The following CAMK1D variants were observed in gnomAD, a reference collection of about 807,000 sequenced individuals.
CAMK1D encodes the protein calcium/calmodulin-dependent protein kinase type 1D.
A neutral mutation model predicts 47.7 loss-of-function variants in CAMK1D; 9 were observed. The observed-to-expected ratio is 0.19, with a 90% CI of 0.11 to 0.33. The LOEUF (loss-of-function observed/expected upper bound fraction) is 0.33, where lower values mean the gene tolerates loss of function less well. CAMK1D is among the 10% of genes least tolerant of loss of function. CAMK1D has a pLI of 1.00. For synonymous variants in CAMK1D, 184 were observed against 184.9 expected, an observed-to-expected ratio of 0.99 and a Z score of 0.04; for missense variants, 291 against 488.7, an observed-to-expected ratio of 0.60 and a Z score of 3.81.
At chr10:12,740,830 A>G (rs1835394941) in intron 3 of CAMK1D, among the ~76,000 whole-genome samples, 1 of 152,200 alleles carries the variant, frequency 6.6e-6, no homozygotes, top group Non-Finnish European at 1.5e-5. Context: ...CTAGCATAAC[A>G]AAAGCGGTCA....
intron 2 of CAMK1D, among the ~76,000 whole-genome samples, chr10:12,623,071 CCCTT>C (rs1236617001): frequency 9.5e-6 from 1 of 105,070 alleles, no homozygotes; most frequent in African/African-American, 3.9e-5. Context: ...CTCCCTTCCT[CCCTT>C]CCTTCCTTCC....
intron 1 of CAMK1D, among the ~76,000 whole-genome samples, chr10:12,396,458 T>A (rs550750110): frequency 6.6e-6 from 1 of 152,170 alleles, no homozygotes; most frequent in African/African-American, 2.4e-5. Flanking sequence ...CCAACCAGAG[T>A]CTTCATGAGT....
chr10:12,438,389 A>C (rs942312432), intron 1 of CAMK1D, among the ~76,000 whole-genome samples: 1 of 152,162 alleles, frequency 6.6e-6, no homozygotes. Flanking sequence ...ACATGTGGCT[A>C]TTGTCCCTGC....
intron 2 of CAMK1D, among the ~76,000 whole-genome samples, chr10:12,590,034 A>G (rs978392172): frequency 9.9e-5 from 15 of 152,078 alleles, no homozygotes; most frequent in Admixed American, 3.9e-4. Context: ...TAAAAACACA[A>G]CCGCAAGCTG....
intron 2 of CAMK1D, among the ~76,000 whole-genome samples, chr10:12,584,221 A>G (rs11592556): frequency 0.015 from 2,229 of 152,318 alleles, 16 homozygotes; most frequent in Non-Finnish European, 0.022. Flanking sequence ...TATTTGGAAA[A>G]GTAGCAATAC....
chr10:12,421,370 C>T (rs982130095), intron 1 of CAMK1D, among the ~76,000 whole-genome samples: 3 of 152,082 alleles, frequency 2.0e-5, no homozygotes, highest in Non-Finnish European at 2.9e-5. Context: ...GATGATGTCC[C>T]GGAGCTTCAA....
chr10:12,647,263 C>T (rs1164475379), intron 2 of CAMK1D, among the ~76,000 whole-genome samples: 1 of 148,716 alleles, frequency 6.7e-6, no homozygotes. Context: ...ATCCTCCTGA[C>T]TCAGCCTCCC....
At chr10:12,740,521 C>T (rs1835381450) in intron 3 of CAMK1D, among the ~76,000 whole-genome samples, 1 of 152,138 alleles carries the variant, frequency 6.6e-6, no homozygotes, top group South Asian at 2.1e-4. Context: ...CTGTTTGAAC[C>T]TGGGAGGTGG....
intron 6 of CAMK1D, among the ~76,000 whole-genome samples, chr10:12,803,251 A>G (rs1005662654): frequency 1.3e-5 from 2 of 152,208 alleles, no homozygotes; most frequent in South Asian, 4.1e-4. Flanking sequence ...TGGTTTCTCT[A>G]TTGTAGAAAA....
At chr10:12,564,440 G>T (rs6602597) in intron 2 of CAMK1D, among the ~76,000 whole-genome samples, 304 of 152,338 alleles carry the variant, frequency 2.0e-3, no homozygotes, top group South Asian at 4.3e-3. Context: ...ATTTTAAGTT[G>T]TATGTAATTG....
At chr10:12,521,825 A>G (rs75298118) in intron 1 of CAMK1D, among the ~76,000 whole-genome samples, 33,849 of 152,018 alleles carry the variant, frequency 0.22, 4,042 homozygotes, top group South Asian at 0.27. Context: ...TTCTTTTATC[A>G]TTATATGACA....
At chr10:12,505,658 T>G (rs560477284) in intron 1 of CAMK1D, among the ~76,000 whole-genome samples, 1 of 152,200 alleles carries the variant, frequency 6.6e-6, no homozygotes, top group Admixed American at 6.5e-5. Context: ...TACATAATAT[T>G]GAAAGCAAAT....
chr10:12,531,184 T>A (rs1282363633), intron 1 of CAMK1D, among the ~76,000 whole-genome samples: 2 of 152,240 alleles, frequency 1.3e-5, no homozygotes, highest in East Asian at 3.8e-4. Context: ...TCACAGAGTT[T>A]TTATTCACAT....
intron 1 of CAMK1D, among the ~76,000 whole-genome samples, chr10:12,461,470 C>T (rs1227187608): frequency 2.0e-5 from 3 of 152,080 alleles, no homozygotes; most frequent in Admixed American, 6.6e-5. Context: ...GTGGGCGGGT[C>T]GCGAGGTTAA....
At chr10:12,445,428 G>C (rs1348279046) in intron 1 of CAMK1D, among the ~76,000 whole-genome samples, 1 of 152,228 alleles carries the variant, frequency 6.6e-6, no homozygotes, top group East Asian at 1.9e-4. Flanking sequence ...CTGCCATTTT[G>C]TTTTGGCTTC....
At chr10:12,529,378 G>A (rs755524922) in intron 1 of CAMK1D, among the ~76,000 whole-genome samples, 4 of 152,184 alleles carry the variant, frequency 2.6e-5, no homozygotes, top group Non-Finnish European at 5.9e-5. Context: ...GTGGGTACCT[G>A]CCATATACGA....
intron 1 of CAMK1D, among the ~76,000 whole-genome samples, chr10:12,455,809 A>T (rs1320569972): frequency 6.6e-6 from 1 of 152,228 alleles, no homozygotes; most frequent in Non-Finnish European, 1.5e-5. Context: ...CCCATGGAGA[A>T]TATCATGCTG....
Position 12,760,981 on chromosome 10 carries a change from G to C in CAMK1D, c.333G>C (p.Val111=). 6.2e-7 allele frequency: 1 copy of C among 1,614,124 alleles called. No homozygotes were observed. The highest frequency in any genetic ancestry group is 8.5e-7 in the Non-Finnish European group (1 of 1,180,000). ...VSGGELFDRI[V]EKGFYTEKDA... The stretch of plus-strand genomic sequence containing the variant: ...GTGGAGAGCTGTTTGACCGGATAGT[G>C]GAGAAGGGGTTTTATACAGAGAAGG... Residue 111 remains valine (V), a synonymous_variant, in exon 4 of 11, where the codon GTG becomes GTC. Transcript: ENST00000619168.
At chr10:12,529,547 A>T (rs1369776325) in intron 1 of CAMK1D, among the ~76,000 whole-genome samples, 2 of 152,198 alleles carry the variant, frequency 1.3e-5, no homozygotes, top group African/African-American at 4.8e-5. Flanking sequence ...CATGATTTAT[A>T]TCGACCATGA....
Sources: allele counts gnomAD v4.1 joint callset (sites outside exome capture counted in the v4.1 genomes callset), GRCh38; gene constraint gnomAD v4.1.1; transcripts MANE v1.5; gene names NCBI Gene and HGNC (gene_info 2026-07-23, HGNC 2026-07-21).